Variants in GNB5 observed in about 807,000 individuals in gnomAD.
GNB5 encodes the protein G protein subunit beta 5, also known as guanine nucleotide-binding protein subunit beta-5.
GNB5 carries 37 observed loss-of-function variants against 55.3 expected under a neutral mutation model. The ratio of observed to expected loss-of-function variants is 0.67; its 90% CI spans 0.51 to 0.88. GNB5 has a LOEUF of 0.88. Ranked by LOEUF, GNB5 falls within the 40% of genes least tolerant of loss-of-function variation. GNB5 has a pLI of 0.00. For missense variants in GNB5, 476 were observed against 515.3 expected (o/e 0.92, Z 0.74); for synonymous variants, 219 against 198.5 (o/e 1.10, Z -0.87).
intron 2 of GNB5, 38 bp downstream of exon 2, chr15:52,184,513 T>A: frequency 6.3e-7 from 1 of 1,592,662 alleles, no homozygotes; most frequent in Non-Finnish European, 8.6e-7. Flanking sequence ...TTGACTGTTT[T>A]AAGACAGATA....
chr15:52,124,662 G>C lies in GNB5; in HGVS notation c.1010-23C>G, dbSNP rs1216534662. 9 of 1,606,460 alleles carry C rather than the reference G, an allele frequency of 5.6e-6. No homozygotes were observed. The Admixed American group carries it at 1.2e-4, about 21-fold the overall frequency. ...GACCTTGAAGCAGGGTGAGATGATA[G>C]CTGTTAAGCCAGTTCCTTGCTTCCT... On this transcript the variant is annotated intron_variant, in intron 11 of 12. Transcript: ENST00000261837.
At chr15:52,189,512 G>A (rs2034890324) in intron 1 of GNB5, among the ~76,000 whole-genome samples, 1 of 152,156 alleles carries the variant, frequency 6.6e-6, no homozygotes, top group African/African-American at 2.4e-5. Context: ...CTTGGGGGAT[G>A]GAGGTTGCAG....
At chr15:52,155,155 C>T (rs750718964) in intron 3 of GNB5, among the ~76,000 whole-genome samples, 5 of 152,208 alleles carry the variant, frequency 3.3e-5, no homozygotes, top group Non-Finnish European at 7.3e-5. Context: ...ACATCTCCTT[C>T]CTTGAAACCT....
chr15:52,139,662 C>G (rs1175093299), intron 7 of GNB5: 1 of 405,258 alleles, frequency 2.5e-6, no homozygotes, highest in Non-Finnish European at 4.2e-6. Flanking sequence ...AGCTAGAACA[C>G]AGCGGAGCCA....
rs2033184906 is a variant in GNB5 at position 52,118,349 on chromosome 15, T to C, written c.*4408A>G. On this transcript the variant is annotated 3_prime_UTR_variant, in exon 13 of 13. Transcript: ENST00000261837. ...CTCACGGTCAAAACTATTTTCATAA[T>C]AATATTGACACTTTTTTTTTTTGTA... 6.7e-6 allele frequency: 1 copy of C among 149,108 alleles called. No homozygotes were observed. The highest frequency in any genetic ancestry group is 2.2e-4 in the South Asian group (1 of 4,642). The allele number at this position is 149,108 out of a possible 1,614,324, so 9.2% of individuals were successfully genotyped here.
intron 3 of GNB5, among the ~76,000 whole-genome samples, chr15:52,170,465 C>G (rs1436310401): frequency 6.6e-6 from 1 of 152,144 alleles, no homozygotes. Flanking sequence ...GAAAACCAAA[C>G]ACCACATGTT....
chr15:52,180,310 G>C (rs983587004), intron 2 of GNB5: 1 of 153,590 alleles, frequency 6.5e-6, no homozygotes, highest in Non-Finnish European at 1.4e-5. Context: ...GCAGATCTCC[G>C]CTCTGTGGGA....
rs146724593 is a variant in GNB5, at chr15:52,119,024, A to T, written c.*3733T>A. 3.4e-5 allele frequency: 3 copies of T among 87,114 alleles called. No individual in the cohort carries two copies. Among genetic ancestry groups the T allele is most frequent in the African/African-American group, 1.9e-4 (3 of 16,180 alleles). 5.4% of individuals were successfully genotyped at this position (87,114 alleles called of 1,614,324 possible). On this transcript the variant is annotated 3_prime_UTR_variant, in exon 13 of 13. Coordinates refer to ENST00000261837, the MANE Select transcript of GNB5 (RefSeq NM_016194.4). ...GGGAGGAGATGGGGAGAAAAGAAAG[A>T]GCTGGGGGAAGGGGAATGGGGAGGA...
At chr15:52,179,201 T>C (rs1224460201) in intron 3 of GNB5, among the ~76,000 whole-genome samples, 3 of 152,182 alleles carry the variant, frequency 2.0e-5, no homozygotes, top group Non-Finnish European at 4.4e-5. Flanking sequence ...CGGTTGAATT[T>C]AGTGAGCTCC....
intron 2 of GNB5, 55 bp from the exon 3 acceptor site, chr15:52,179,934 G>A: frequency 3.5e-6 from 5 of 1,443,040 alleles, no homozygotes; most frequent in Non-Finnish European, 9.1e-7. Flanking sequence ...GCGCTGAGCC[G>A]CGGCGGGCGC....
chr15:52,186,898 G>C (rs983116203), intron 1 of GNB5, among the ~76,000 whole-genome samples: 5 of 152,142 alleles, frequency 3.3e-5, no homozygotes, highest in African/African-American at 1.2e-4. Context: ...CAACAAAGGT[G>C]TACAGGGCAT....
intron 8 of GNB5, among the ~76,000 whole-genome samples, chr15:52,133,744 A>C (rs568046954): frequency 6.7e-6 from 1 of 149,704 alleles, no homozygotes; most frequent in African/African-American, 2.5e-5. Context: ...ATGGAGGCAA[A>C]CCCTCCTTAC....
At chr15:52,127,244 G>T (rs942271122) in intron 10 of GNB5, among the ~76,000 whole-genome samples, 5 of 152,180 alleles carry the variant, frequency 3.3e-5, no homozygotes, top group Non-Finnish European at 7.3e-5. Context: ...GGCAAAATGG[G>T]CATCCGATGA....
At chr15:52,125,248 G>T (rs1448448948) in intron 11 of GNB5, 2 of 152,414 alleles carry the variant, frequency 1.3e-5, no homozygotes, top group Non-Finnish European at 2.9e-5. Context: ...TTCCCACAAA[G>T]GAGCCATGAG....
chr15:52,134,610 C>G (rs1026523829), intron 8 of GNB5, among the ~76,000 whole-genome samples: 1 of 152,214 alleles, frequency 6.6e-6, no homozygotes, highest in Non-Finnish European at 1.5e-5. Flanking sequence ...GTTGAAACAT[C>G]TACACATGGC....
intron 4 of GNB5, among the ~76,000 whole-genome samples, chr15:52,152,766 C>T (rs901280303): frequency 2.2e-4 from 33 of 151,310 alleles, no homozygotes; most frequent in African/African-American, 7.0e-4. Context: ...AAGTAGCTGG[C>T]ACTACAGGCA....
intron 6 of GNB5, among the ~76,000 whole-genome samples, chr15:52,142,442 G>A (rs1356157124): frequency 1.3e-5 from 2 of 151,986 alleles, no homozygotes; most frequent in Admixed American, 1.3e-4. Context: ...CTCCTTCCCA[G>A]TATCACTGTA....
intron 9 of GNB5, chr15:52,128,757 C>T (rs966852108): frequency 3.7e-5 from 17 of 456,518 alleles, no homozygotes; most frequent in South Asian, 2.5e-4. Flanking sequence ...ACAGTCCATG[C>T]AAAGAATCTG....
At chr15:52,171,657 C>T (rs2034557040) in intron 3 of GNB5, among the ~76,000 whole-genome samples, 2 of 152,102 alleles carry the variant, frequency 1.3e-5, no homozygotes, top group Admixed American at 1.3e-4. Flanking sequence ...CTTCTGTAAG[C>T]GTCGGTACAC....
Sources: gnomAD v4.1 joint callset for allele counts (sites outside exome capture counted in the v4.1 genomes callset) on GRCh38, gnomAD v4.1.1 for gene constraint, MANE v1.5 for transcripts, NCBI Gene and HGNC (gene_info 2026-07-23, HGNC 2026-07-21) for gene names.